Variants in MVB12B observed in about 807,000 individuals in gnomAD.
MVB12B encodes the protein multivesicular body subunit 12B, also known as ESCRT-I complex subunit MVB12B.
MVB12B carries 16 observed loss-of-function variants against 41.6 expected under a neutral mutation model. That is an observed-to-expected ratio of 0.38 (90% confidence interval 0.26 to 0.58). The LOEUF (loss-of-function observed/expected upper bound fraction) is 0.58, where lower values mean the gene tolerates loss of function less well. Ranked by LOEUF, MVB12B falls within the 20% of genes least tolerant of loss-of-function variation. The probability of loss-of-function intolerance (pLI) is 0.62; values close to 1 mark genes in which losing one functional copy is unlikely to be tolerated. For synonymous variants in MVB12B, 133 were observed against 139.7 expected, an observed-to-expected ratio of 0.95 and a Z score of 0.34; for missense variants, 274 against 380.2, an observed-to-expected ratio of 0.72 and a Z score of 2.32.
chr9:126,417,463 G>A (rs566937625), intron 6 of MVB12B, among the ~76,000 whole-genome samples: 12 of 152,260 alleles, frequency 7.9e-5, no homozygotes, highest in Admixed American at 1.3e-4. Flanking sequence ...CCTCCATAAT[G>A]GAGAGAGGTG....
At chr9:126,347,841 G>A (rs1219224196) in intron 2 of MVB12B, among the ~76,000 whole-genome samples, 1 of 152,242 alleles carries the variant, frequency 6.6e-6, no homozygotes, top group East Asian at 1.9e-4. Context: ...TCTGAGCACA[G>A]CTGTCACATG....
chr9:126,362,372 A>G (rs552612427), intron 2 of MVB12B, among the ~76,000 whole-genome samples: 1 of 152,172 alleles, frequency 6.6e-6, no homozygotes, highest in Non-Finnish European at 1.5e-5. Flanking sequence ...GTCTTTGTAA[A>G]AAGCATAATA....
Position 126,386,667 on chromosome 9 carries a change from T to A in MVB12B, c.409+9T>A. The A allele has an allele frequency of 6.3e-7, 1 of 1,588,390 alleles. No homozygotes were observed. The highest frequency in any genetic ancestry group is 8.6e-7 in the Non-Finnish European group (1 of 1,156,732). Reference sequence around the variant, plus strand: ...GGAGACGGTGGACACACGTGAGTCATCCTTTAGTAGCACTCATCACAATGA... The same window carrying A: ...GGAGACGGTGGACACACGTGAGTCAACCTTTAGTAGCACTCATCACAATGA... On this transcript the variant is annotated intron_variant, in intron 4 of 9. Coordinates refer to ENST00000361171, the MANE Select transcript of MVB12B (RefSeq NM_033446.3). This position sits in a 1 kb window ranked among gnomAD's most constrained non-coding sequence, Gnocchi z 4.3.
At chr9:126,447,551 T>C (rs1345809584) in intron 7 of MVB12B, among the ~76,000 whole-genome samples, 1 of 152,194 alleles carries the variant, frequency 6.6e-6, no homozygotes, top group African/African-American at 2.4e-5. Flanking sequence ...ATGACCTCTA[T>C]AATTTTTTGT....
intron 9 of MVB12B, among the ~76,000 whole-genome samples, chr9:126,490,746 G>T (rs1226197480): frequency 1.3e-5 from 2 of 152,230 alleles, no homozygotes; most frequent in East Asian, 3.8e-4. Context: ...ATGGGCTGCT[G>T]TTTGCAGACA....
intron 9 of MVB12B, 119 bp from the exon 10 acceptor site, chr9:126,503,058 G>A: frequency 1.1e-6 from 1 of 898,234 alleles, no homozygotes; most frequent in Non-Finnish European, 1.8e-6. Flanking sequence ...GCTGCGCCAT[G>A]TCAAGATGCC....
chr9:126,339,099 C>T (rs1206887379), intron 1 of MVB12B, among the ~76,000 whole-genome samples: 1 of 152,190 alleles, frequency 6.6e-6, no homozygotes, highest in African/African-American at 2.4e-5. Flanking sequence ...CAGGCACTTC[C>T]TAGCCTTGAT....
chr9:126,477,267 C>T (rs1233793047), intron 7 of MVB12B, among the ~76,000 whole-genome samples: 1 of 152,212 alleles, frequency 6.6e-6, no homozygotes, highest in Non-Finnish European at 1.5e-5. Context: ...AGGGATCCAC[C>T]TCCATGACCC....
chr9:126,421,168 A>C (rs1039564013), intron 6 of MVB12B, among the ~76,000 whole-genome samples: 2 of 152,218 alleles, frequency 1.3e-5, no homozygotes, highest in African/African-American at 4.8e-5. Flanking sequence ...TTTTGACTAA[A>C]TGCTCACTTA....
At chr9:126,379,847 T>C (rs1830586709) in intron 2 of MVB12B, among the ~76,000 whole-genome samples, 1 of 152,168 alleles carries the variant, frequency 6.6e-6, no homozygotes, top group African/African-American at 2.4e-5. Flanking sequence ...ATCCATGTGC[T>C]GTGGGGCCTG....
chr9:126,437,388 A>G (rs1832511511), intron 7 of MVB12B, among the ~76,000 whole-genome samples: 1 of 152,214 alleles, frequency 6.6e-6, no homozygotes. Context: ...CCCGGAACTG[A>G]TATTAGACTC....
At chr9:126,499,910 C>T (rs1438139782) in intron 9 of MVB12B, among the ~76,000 whole-genome samples, 1 of 151,190 alleles carries the variant, frequency 6.6e-6, no homozygotes, top group Non-Finnish European at 1.5e-5. Context: ...CCGGAGGGCC[C>T]AGCCATGCCC....
intron 1 of MVB12B, among the ~76,000 whole-genome samples, chr9:126,328,714 T>G (rs1433769752): frequency 1.3e-5 from 2 of 152,184 alleles, no homozygotes; most frequent in Non-Finnish European, 2.9e-5. Flanking sequence ...TATGAGAGGT[T>G]TGTTAACGGA....
intron 9 of MVB12B, among the ~76,000 whole-genome samples, chr9:126,493,507 T>G (rs538605644): frequency 6.6e-6 from 1 of 152,328 alleles, no homozygotes; most frequent in East Asian, 1.9e-4. Context: ...CTTTACTAAT[T>G]TTACTCACAG....
At chr9:126,402,831 C>T (rs1198495543) in intron 6 of MVB12B, among the ~76,000 whole-genome samples, 2 of 152,242 alleles carry the variant, frequency 1.3e-5, no homozygotes, top group Non-Finnish European at 2.9e-5. Flanking sequence ...CCTCTAAAGA[C>T]AGAACATACA....
chr9:126,339,148 G>A (rs937980026), intron 1 of MVB12B, among the ~76,000 whole-genome samples: 3 of 152,206 alleles, frequency 2.0e-5, no homozygotes, highest in African/African-American at 7.2e-5. Flanking sequence ...GTCTGTTTCC[G>A]GAGCTTTTTG....
intron 9 of MVB12B, among the ~76,000 whole-genome samples, chr9:126,492,831 G>C (rs1435000530): frequency 6.6e-6 from 1 of 152,212 alleles, no homozygotes; most frequent in Admixed American, 6.5e-5. Flanking sequence ...GTGACAGAGA[G>C]AGACCCTGTC....
chr9:126,463,477 T>C lies in MVB12B; in HGVS notation c.758-17892T>C, dbSNP rs114416662. Among the ~76,000 whole-genome samples the C allele has an allele frequency of 8.8e-3, 1,347 of 152,308 alleles. 21 individuals are homozygous for C. The highest frequency in any genetic ancestry group is 0.031 in the African/African-American group (1,278 of 41,558). ...TTATGAAGAGATGACCTGGTTCGAA[T>C]GCACTCAAGTGGTACCAACTCACAC... is the stretch of plus-strand genomic sequence containing the variant. On this transcript the variant is annotated intron_variant, in intron 7 of 9. Transcript: ENST00000361171.
At position 126,464,916 on chromosome 9, in the gene MVB12B, C is replaced by T. The variant is rs115584796; in HGVS notation, c.758-16453C>T. 5.0e-3 allele frequency among the ~76,000 whole-genome samples: 768 copies of T among 152,322 alleles called. 6 individuals are homozygous for T. Among genetic ancestry groups the T allele is most frequent in the African/African-American group, 0.017 (709 of 41,568 alleles). On this transcript the variant is annotated intron_variant, in intron 7 of 9. Transcript: ENST00000361171. ...GGCCATTGTGAGGTTTATACGAGAA[C>T]ACCTGTTACTCCCGGCGTGCTTTGC... is the stretch of plus-strand genomic sequence containing the variant.
Sources: allele counts gnomAD v4.1 joint callset (sites outside exome capture counted in the v4.1 genomes callset), GRCh38; gene constraint gnomAD v4.1.1; non-coding constraint Gnocchi (gnomAD v3.1); transcripts MANE v1.5; gene names NCBI Gene and HGNC (gene_info 2026-07-23, HGNC 2026-07-21).